PLAT: variants seen among roughly 807,000 people sequenced by gnomAD.
PLAT encodes plasminogen activator, tissue type.
PLAT carries 48 observed loss-of-function variants against 74.9 expected under a neutral mutation model. That is an observed-to-expected ratio of 0.64 (90% CI 0.51 to 0.82). PLAT has a LOEUF of 0.82. PLAT is among the 40% of genes least tolerant of loss of function. The probability of loss-of-function intolerance (pLI) is 0.00; values close to 1 mark genes in which losing one functional copy is unlikely to be tolerated. For missense variants in PLAT, 673 were observed against 736.2 expected, an observed-to-expected ratio of 0.91 and a Z score of 0.99; for synonymous variants, 307 against 294.4, an observed-to-expected ratio of 1.04 and a Z score of -0.44.
intron 1 of PLAT, among the ~76,000 whole-genome samples, chr8:42,200,886 A>G (rs1043612578): frequency 2.6e-5 from 4 of 151,910 alleles, no homozygotes; most frequent in Non-Finnish European, 4.4e-5. Flanking sequence ...CTGGATTGCA[A>G]CGGTGCAATC....
intron 1 of PLAT, among the ~76,000 whole-genome samples, chr8:42,204,265 G>C (rs1806249813): frequency 6.6e-6 from 1 of 151,954 alleles, no homozygotes; most frequent in South Asian, 2.1e-4. Context: ...TTTATAGCCT[G>C]ACACTATAGA....
At position 42,180,078 on chromosome 8, in the gene PLAT, A is replaced by G; in HGVS notation, c.1223-12T>C. ...CAGCTGCAGCAGCGCTGGGAGGGAG[A>G]AAGGAGGAGTGAGCTGGCGTGAGGG... is the stretch of plus-strand genomic sequence containing the variant. On this transcript the variant is annotated splice_polypyrimidine_tract_variant and intron_variant, in intron 11 of 13. Transcript: ENST00000220809. The G allele has an allele frequency of 6.2e-7, 1 of 1,600,958 alleles. No homozygotes were observed. The highest frequency in any genetic ancestry group is 8.5e-7 in the Non-Finnish European group (1 of 1,171,196).
Position 42,185,150 on chromosome 8 carries a change from G to C in PLAT, c.562C>G (p.Pro188Ala). 6.2e-7 allele frequency: 1 copy of C among 1,612,096 alleles called. No individual in the cohort carries two copies. The highest frequency in any genetic ancestry group is 8.5e-7 in the Non-Finnish European group (1 of 1,179,034). The change falls in exon 7 of 14, where the codon CCC (proline) becomes GCC (alanine). Residue 188 changes from proline (P) to alanine (A), a missense_variant. Physicochemically the swap from Pro to Ala is conservative, Grantham distance 27. Coordinates refer to ENST00000220809, the MANE Select transcript of PLAT (RefSeq NM_000930.5). ...CCCGCCTTAAAGACGTAGCACCAGG[G>C]CTTTGAGTCTCGATCTGGGTTTCTG... ...YCRNPDRDSK[P>A]WCYVFKAGKY...
chr8:42,204,361 A>G (rs1445470528), intron 1 of PLAT, among the ~76,000 whole-genome samples: 1 of 152,186 alleles, frequency 6.6e-6, no homozygotes, highest in African/African-American at 2.4e-5. Context: ...CCGTCCCAAC[A>G]ATCTCATCAA....
chr8:42,193,265 C>A, intron 1 of PLAT, 54 bp from the exon 2 acceptor site: 1 of 1,168,840 alleles, frequency 8.6e-7, no homozygotes, highest in South Asian at 1.2e-5. Context: ...TCCATGATGG[C>A]AACAGAGGAG....
intron 6 of PLAT, chr8:42,187,111 TC>T (rs1805507015): frequency 4.1e-6 from 1 of 245,026 alleles, no homozygotes; most frequent in Non-Finnish European, 7.6e-6. Flanking sequence ...TATCAATCTA[TC>T]ATCTATCTAT....
rs564442835 is a variant in PLAT at position 42,188,844 on chromosome 8, T to C, written c.253+90A>G. The C allele has an allele frequency of 5.6e-5, 65 of 1,157,912 alleles. 1 individual carries two copies. The South Asian group carries it at 8.3e-4, about 15-fold the overall frequency. The allele number at this position is 1,157,912 out of a possible 1,614,324, so 71.7% of individuals were successfully genotyped here. A position where few individuals can be genotyped will look rare whatever the true frequency, so the allele number is the denominator to read the frequency against. On this transcript the variant is annotated intron_variant, in intron 4 of 13. Coordinates refer to ENST00000220809, the MANE Select transcript of PLAT (RefSeq NM_000930.5). ...TTGCTATGTTTGCCCAGATTGGTCT[T>C]GAACTCCCGGGCTCCAGCGACCCTC...
At chr8:42,195,222 G>T (rs1288802825) in intron 1 of PLAT, among the ~76,000 whole-genome samples, 1 of 145,808 alleles carries the variant, frequency 6.9e-6, no homozygotes, top group East Asian at 2.0e-4. Flanking sequence ...ACTTCGAAAC[G>T]AACTCCCCCG....
chr8:42,204,278 G>A (rs939817811), intron 1 of PLAT, among the ~76,000 whole-genome samples: 7 of 152,068 alleles, frequency 4.6e-5, no homozygotes, highest in African/African-American at 1.4e-4. Flanking sequence ...ACTATAGACA[G>A]ACATTTTCTC....
intron 7 of PLAT, among the ~76,000 whole-genome samples, chr8:42,183,324 G>T (rs1452840239): frequency 6.6e-6 from 1 of 152,090 alleles, no homozygotes; most frequent in Non-Finnish European, 1.5e-5. Flanking sequence ...CCCCCTCTTT[G>T]AGTCCTTTTA....
At chr8:42,198,259 G>C (rs1368018963) in intron 1 of PLAT, among the ~76,000 whole-genome samples, 1 of 152,218 alleles carries the variant, frequency 6.6e-6, no homozygotes, top group Non-Finnish European at 1.5e-5. Flanking sequence ...GGAGGCCAAG[G>C]CTGGCAGATC....
intron 1 of PLAT, among the ~76,000 whole-genome samples, chr8:42,206,381 T>C (rs1262992132): frequency 6.6e-6 from 1 of 152,204 alleles, no homozygotes; most frequent in African/African-American, 2.4e-5. Flanking sequence ...CAGCAGCTCA[T>C]GCTGACCGTC....
chr8:42,187,957 C>T lies in PLAT; in HGVS notation c.313G>A (p.Asp105Asn), dbSNP rs3020630. 6.2e-7 allele frequency: 1 copy of T among 1,613,972 alleles called. No individual in the cohort carries two copies. Among genetic ancestry groups the T allele is most frequent in the Non-Finnish European group, 8.5e-7 (1 of 1,179,842 alleles). ...CCTTCGGGGCACTGGCACACGAAAT[C>T]TGAGAAGTACAGGGCCTGCTGGCAG... ...GTCQQALYFS[D>N]FVCQCPEGFA... is the part of the protein sequence containing the mutation. The change falls in exon 5 of 14, where the codon GAT becomes AAT. Residue 105 changes from aspartate to asparagine, a missense_variant. Coordinates refer to ENST00000220809, the MANE Select transcript of PLAT (RefSeq NM_000930.5).
chr8:42,189,741 G>A (rs1451714577), intron 3 of PLAT, among the ~76,000 whole-genome samples: 1 of 150,716 alleles, frequency 6.6e-6, no homozygotes, highest in Non-Finnish European at 1.5e-5. Context: ...TGGGATTACA[G>A]GTGCCCGATA....
Position 42,175,884 on chromosome 8 carries a change from G to C in PLAT, c.*109C>G, listed in dbSNP as rs148430376. 6 of 1,025,860 alleles carry C rather than the reference G, an allele frequency of 5.8e-6. No individual in the cohort carries two copies. The highest frequency in any genetic ancestry group is 1.6e-5 in the African/African-American group (1 of 62,954). The allele number at this position is 1,025,860 out of a possible 1,614,324, so 63.5% of individuals were successfully genotyped here. ...CTGTAGGGTCTCGTCCCGCTTCTGC[G>C]GTGTGGTGGGTCTGGAGAAGTCTGT... is the stretch of plus-strand genomic sequence containing the variant. On this transcript the variant is annotated 3_prime_UTR_variant, in exon 14 of 14. Coordinates refer to ENST00000220809, the MANE Select transcript of PLAT (RefSeq NM_000930.5).
chr8:42,194,295 TTCTCTATGTTGTCCAGGCTAGTC>T (rs1805822510), intron 1 of PLAT, among the ~76,000 whole-genome samples: 2 of 144,160 alleles, frequency 1.4e-5, no homozygotes, highest in African/African-American at 5.3e-5. Flanking sequence ...GAGACAAGGT[TTCTCTATGTTGTCCAGGCTAGTC>T]TCGAACTCCT....
Position 42,180,378 on chromosome 8 carries a change from C to T in PLAT, c.1086G>A (p.Arg362=), listed in dbSNP as rs1240443458. 6.2e-7 allele frequency: 1 copy of T among 1,614,068 alleles called. No homozygotes were observed. The change falls in exon 11 of 14, where the codon AGG becomes AGA. Residue 362 remains arginine, a splice_region_variant and synonymous_variant. Transcript: ENST00000220809. The stretch of plus-strand genomic sequence containing the variant: ...TCACCGTCAGGTGGTGGGGCGGAAA[C>T]CTGGTGGAGAAACAGCCTTAGAATG... ...ILSAAHCFQE[R]FPPHHLTVIL... is the part of the protein sequence containing the mutation.
At chr8:42,196,113 G>A (rs1805894087) in intron 1 of PLAT, among the ~76,000 whole-genome samples, 1 of 152,170 alleles carries the variant, frequency 6.6e-6, no homozygotes, top group African/African-American at 2.4e-5. Context: ...TGGACATGTT[G>A]GCATTGCCTG....
At chr8:42,202,661 C>G (rs905403324) in intron 1 of PLAT, among the ~76,000 whole-genome samples, 1 of 152,144 alleles carries the variant, frequency 6.6e-6, no homozygotes, top group Admixed American at 6.5e-5. Context: ...AGCTCTTATC[C>G]TGAAAGAGCT....
Sources: gnomAD v4.1 joint callset for allele counts (sites outside exome capture counted in the v4.1 genomes callset) on GRCh38, gnomAD v4.1.1 for gene constraint, MANE v1.5 for transcripts, NCBI Gene and HGNC (gene_info 2026-07-23, HGNC 2026-07-21) for gene names.